Variants in YWHAZ observed in about 807,000 individuals in gnomAD.
YWHAZ encodes tyrosine 3-monooxygenase/tryptophan 5-monooxygenase activation protein zeta, also known as 14-3-3 protein zeta/delta.
For missense variants in YWHAZ, 79 were observed against 284.8 expected (o/e 0.28, Z 5.20); for synonymous variants, 87 against 103.6 (o/e 0.84, Z 0.97).
chr8:100,917,150 A>C lies in YWHAZ; in HGVS notation c.*3543T>G, dbSNP rs1368321397. The C allele has an allele frequency of 6.6e-6, 1 of 152,232 alleles. No homozygotes were observed. The highest frequency in any genetic ancestry group is 2.4e-5 in the African/African-American group (1 of 41,462). The allele number at this position is 152,232 out of a possible 1,614,324, so 9.4% of individuals were successfully genotyped here. ...CAAATAACCTAAGATAGCAGCTTCCAAATTGGCTTTGACTCATTTTAAAAT... is the reference window on the plus strand; with the variant it reads ...CAAATAACCTAAGATAGCAGCTTCCCAATTGGCTTTGACTCATTTTAAAAT... On this transcript the variant is annotated 3_prime_UTR_variant, in exon 6 of 6. Transcript: ENST00000395958.
intron 2 of YWHAZ, among the ~76,000 whole-genome samples, chr8:100,934,149 A>ATT (rs1216638572): frequency 2.5e-5 from 1 of 39,238 alleles, no homozygotes; most frequent in African/African-American, 1.7e-4. Context: ...ACAAAGCTAG[A>ATT]CTCGTCTCAA....
At chr8:100,937,146 A>G (rs1205510020) in intron 2 of YWHAZ, among the ~76,000 whole-genome samples, 1 of 152,234 alleles carries the variant, frequency 6.6e-6, no homozygotes, top group Non-Finnish European at 1.5e-5. Context: ...CTGGCAAAAT[A>G]TATGAAAAAC....
In YWHAZ at chr8:100,948,081, A is replaced by G; in HGVS notation, c.294+515T>C. 3.3e-6 allele frequency: 5 copies of G among 1,533,694 alleles called. No individual in the cohort carries two copies. The highest frequency in any genetic ancestry group is 4.4e-6 in the Non-Finnish European group (5 of 1,146,138). Reference sequence around the variant, plus strand: ...TTGTGAGTGTTCAAAATTTACCTTCAAGAATTCAATGCAGGAAGAGGTTTC... The same window carrying G: ...TTGTGAGTGTTCAAAATTTACCTTCGAGAATTCAATGCAGGAAGAGGTTTC... On this transcript the variant is annotated intron_variant, in intron 2 of 5. Coordinates refer to ENST00000395958, the MANE Select transcript of YWHAZ (RefSeq NM_145690.3). The surrounding 1 kb of genome is among the most constrained non-coding windows in gnomAD (Gnocchi z 4.2).
intron 5 of YWHAZ, among the ~76,000 whole-genome samples, chr8:100,921,487 T>G (rs565905531): frequency 2.1e-4 from 32 of 152,288 alleles, no homozygotes; most frequent in Middle Eastern, 3.4e-3. Flanking sequence ...CTGGTAGATC[T>G]TAAAGTGACT....
chr8:100,944,265 T>C (rs1810100102), intron 2 of YWHAZ, among the ~76,000 whole-genome samples: 2 of 152,166 alleles, frequency 1.3e-5, no homozygotes, highest in Non-Finnish European at 2.9e-5. Flanking sequence ...CACGTAATAA[T>C]ATATTCAGAC....
intron 2 of YWHAZ, among the ~76,000 whole-genome samples, chr8:100,943,689 C>T (rs906911871): frequency 6.6e-6 from 1 of 152,084 alleles, no homozygotes; most frequent in African/African-American, 2.4e-5. Flanking sequence ...AACTTTATTA[C>T]CAAAGACACT....
upstream of YWHAZ, chr8:100,953,007 G>A (rs1317456768): frequency 3.0e-6 from 3 of 999,402 alleles, no homozygotes; most frequent in Non-Finnish European, 3.6e-6. Context: ...GGTGGGCGCC[G>A]AGGTGGGGGC....
At chr8:100,944,114 A>G (rs1227444720) in intron 2 of YWHAZ, among the ~76,000 whole-genome samples, 1 of 152,224 alleles carries the variant, frequency 6.6e-6, no homozygotes, top group African/African-American at 2.4e-5. Flanking sequence ...GTAAATATAC[A>G]GTATATCTTA....
At chr8:100,939,895 C>T (rs562827580) in intron 2 of YWHAZ, among the ~76,000 whole-genome samples, 1 of 151,860 alleles carries the variant, frequency 6.6e-6, no homozygotes, top group Non-Finnish European at 1.5e-5. Flanking sequence ...TGGTGGCGGC[C>T]ACCTGTAGTC....
chr8:100,929,481 TAAA>T (rs1273413304), intron 2 of YWHAZ, among the ~76,000 whole-genome samples: 3 of 152,258 alleles, frequency 2.0e-5, no homozygotes, highest in Admixed American at 6.5e-5. Context: ...AATACAGGCG[TAAA>T]GCCACTGCAC....
chr8:100,927,277 CTT>C (rs777372958), intron 2 of YWHAZ, among the ~76,000 whole-genome samples: 5 of 152,180 alleles, frequency 3.3e-5, no homozygotes, highest in Non-Finnish European at 5.9e-5. Flanking sequence ...AATCCCAACA[CTT>C]TGGGAGGCTG....
At chr8:100,949,454 G>GC (rs1189556820) in intron 1 of YWHAZ, among the ~76,000 whole-genome samples, 1 of 151,890 alleles carries the variant, frequency 6.6e-6, no homozygotes, top group Non-Finnish European at 1.5e-5. Flanking sequence ...CTAGATCTCT[G>GC]CAACAACTGC....
intron 2 of YWHAZ, among the ~76,000 whole-genome samples, chr8:100,947,237 G>A (rs1303794560): frequency 7.0e-6 from 1 of 142,678 alleles, no homozygotes; most frequent in Admixed American, 7.1e-5. Context: ...CTGGGCAACA[G>A]AGCAAGACTC....
Position 100,948,242 on chromosome 8 carries a change from T to C in YWHAZ, c.294+354A>G. Reference sequence around the variant, plus strand: ...TTACCTAAAGTATGTAAAATTCCTTTATCCACAGATGTACATTTAAGATAA... The same window carrying C: ...TTACCTAAAGTATGTAAAATTCCTTCATCCACAGATGTACATTTAAGATAA... On this transcript the variant is annotated intron_variant, in intron 2 of 5. Coordinates refer to ENST00000395958, the MANE Select transcript of YWHAZ (RefSeq NM_145690.3). This position sits in a 1 kb window ranked among gnomAD's most constrained non-coding sequence, Gnocchi z 4.2. 1 of 1,066,898 alleles carries C rather than the reference T, an allele frequency of 9.4e-7. No homozygotes were observed. The highest frequency in any genetic ancestry group is 1.3e-6 in the Non-Finnish European group (1 of 764,390). The allele number at this position is 1,066,898 out of a possible 1,614,324, so 66.1% of individuals were successfully genotyped here. A position where few individuals can be genotyped will look rare whatever the true frequency, so the allele number is the denominator to read the frequency against.
chr8:100,923,405 G>A (rs902898531), intron 5 of YWHAZ: 2 of 152,044 alleles, frequency 1.3e-5, no homozygotes, highest in East Asian at 1.9e-4. Context: ...TGGAATTCAA[G>A]TATTATTTAG....
rs1212067898 is a variant in YWHAZ at position 100,948,334 on chromosome 8, T to C, written c.294+262A>G. 6.6e-6 allele frequency among the ~76,000 whole-genome samples: 1 copy of C among 152,222 alleles called. No individual in the cohort carries two copies. The highest frequency in any genetic ancestry group is 1.5e-5 in the Non-Finnish European group (1 of 68,036). ...ACAGTAACACAATTAGTTTATATTT[T>C]CAATTAATATAAAATACAATACTAA... On this transcript the variant is annotated intron_variant, in intron 2 of 5. Coordinates refer to ENST00000395958, the MANE Select transcript of YWHAZ (RefSeq NM_145690.3). The surrounding 1 kb of genome is among the most constrained non-coding windows in gnomAD (Gnocchi z 4.2).
chr8:100,950,945 C>A, intron 1 of YWHAZ: 1 of 177,298 alleles, frequency 5.6e-6, no homozygotes, highest in Non-Finnish European at 1.1e-5. Flanking sequence ...CCAAACCGAG[C>A]GCAGGGACCC....
intron 2 of YWHAZ, among the ~76,000 whole-genome samples, chr8:100,926,838 A>G (rs527789083): frequency 6.6e-6 from 1 of 152,328 alleles, no homozygotes; most frequent in Non-Finnish European, 1.5e-5. Context: ...TAAAATAGTC[A>G]AGTGAGTCTT....
At chr8:100,940,018 G>GCGC (rs1448353332) in intron 2 of YWHAZ, among the ~76,000 whole-genome samples, 1 of 145,098 alleles carries the variant, frequency 6.9e-6, no homozygotes, top group African/African-American at 2.5e-5. Context: ...GCGAGACTCC[G>GCGC]CGCCACTGCA....
Sources: gnomAD v4.1 joint callset for allele counts (sites outside exome capture counted in the v4.1 genomes callset) on GRCh38, gnomAD v4.1.1 for gene constraint, Gnocchi (gnomAD v3.1) non-coding constraint, MANE v1.5 for transcripts, NCBI Gene and HGNC (gene_info 2026-07-23, HGNC 2026-07-21) for gene names.